Variants in KHDRBS2 observed in about 807,000 individuals in gnomAD.
KHDRBS2 encodes the protein KH domain-containing, RNA-binding, signal transduction-associated protein 2.
A neutral mutation model predicts 44.3 loss-of-function variants in KHDRBS2; 26 were observed. That is an observed-to-expected ratio of 0.59 (90% CI 0.43 to 0.81). KHDRBS2 has a LOEUF of 0.81. Among genes scored for constraint, KHDRBS2 ranks in the 40% least tolerant of loss-of-function variants. The pLI is 0.00. For missense variants in KHDRBS2, 476 were observed against 433.1 expected, an observed-to-expected ratio of 1.10 and a Z score of -0.88; for synonymous variants, 194 against 151.1, an observed-to-expected ratio of 1.28 and a Z score of -2.08.
intron 2 of KHDRBS2, among the ~76,000 whole-genome samples, chr6:62,072,872 G>A (rs142158354): frequency 3.9e-5 from 6 of 152,060 alleles, no homozygotes; most frequent in East Asian, 1.9e-4. Context: ...AGTTAGGGAC[G>A]ATTCCCTCTT....
At chr6:61,897,485 A>C (rs188821361) in intron 5 of KHDRBS2, among the ~76,000 whole-genome samples, 2 of 152,314 alleles carry the variant, frequency 1.3e-5, no homozygotes, top group Admixed American at 1.3e-4. Flanking sequence ...ACCTACTCTT[A>C]GTTAATGATA....
the KHDRBS2 span, among the ~76,000 whole-genome samples, chr6:61,616,363 G>T: frequency 6.6e-6 from 1 of 151,868 alleles, no homozygotes; most frequent in Non-Finnish European, 1.5e-5. Flanking sequence ...GGAGTTGAGG[G>T]TAAAATAATT....
intron 4 of KHDRBS2, among the ~76,000 whole-genome samples, chr6:61,945,112 A>AATATAT (rs1491476068): frequency 4.3e-4 from 21 of 48,414 alleles, no homozygotes; most frequent in South Asian, 1.8e-3. Context: ...AAAAAAAAAA[A>AATATAT]GTATATATAT....
intron 1 of KHDRBS2, among the ~76,000 whole-genome samples, chr6:62,273,087 G>A (rs1418472349): frequency 1.3e-5 from 2 of 152,032 alleles, no homozygotes; most frequent in African/African-American, 4.8e-5. Context: ...ATGGACTTAG[G>A]GAGTCTAGCT....
intron 1 of KHDRBS2, among the ~76,000 whole-genome samples, chr6:62,280,564 A>G (rs1841658709): frequency 6.6e-6 from 1 of 152,230 alleles, no homozygotes; most frequent in Non-Finnish European, 1.5e-5. Context: ...TGATGAAGAC[A>G]GAAGCCAAAC....
At chr6:61,872,426 C>G (rs546193096) in intron 6 of KHDRBS2, among the ~76,000 whole-genome samples, 5 of 152,010 alleles carry the variant, frequency 3.3e-5, no homozygotes, top group Admixed American at 6.5e-5. Context: ...AGAAATATTT[C>G]TGGATATGAC....
intron 7 of KHDRBS2, among the ~76,000 whole-genome samples, chr6:61,730,094 C>T (rs1774204723): frequency 1.3e-5 from 2 of 152,076 alleles, no homozygotes; most frequent in East Asian, 3.8e-4. Flanking sequence ...AAATAGTTTA[C>T]TAATTAGTGC....
chr6:62,178,711 C>G (rs1821648894), intron 1 of KHDRBS2, among the ~76,000 whole-genome samples: 2 of 151,288 alleles, frequency 1.3e-5, no homozygotes, highest in South Asian at 2.1e-4. Context: ...TAAAAATTAC[C>G]TTTATGTTTT....
the KHDRBS2 span, among the ~76,000 whole-genome samples, chr6:61,610,294 C>G: frequency 6.6e-6 from 1 of 151,974 alleles, no homozygotes; most frequent in Non-Finnish European, 1.5e-5. Context: ...AAAAATCATA[C>G]CTATTTAGCA....
intron 3 of KHDRBS2, among the ~76,000 whole-genome samples, chr6:61,984,684 C>T (rs1401859644): frequency 6.6e-6 from 1 of 152,172 alleles, no homozygotes; most frequent in Non-Finnish European, 1.5e-5. Context: ...TAAACTTTAT[C>T]TCTGGCTATT....
intron 6 of KHDRBS2, among the ~76,000 whole-genome samples, chr6:61,828,991 A>C (rs545604309): frequency 2.6e-5 from 4 of 152,378 alleles, no homozygotes; most frequent in African/African-American, 7.2e-5. Flanking sequence ...AAGTACAAGC[A>C]AAATGATTCT....
chr6:61,652,766 G>T, the KHDRBS2 span, among the ~76,000 whole-genome samples: 2 of 152,032 alleles, frequency 1.3e-5, no homozygotes, highest in African/African-American at 2.4e-5. Context: ...TGACCAAAAT[G>T]CCCATGGATG....
chr6:61,674,930 T>C, the KHDRBS2 span, among the ~76,000 whole-genome samples: 36 of 151,866 alleles, frequency 2.4e-4, no homozygotes, highest in African/African-American at 7.7e-4. Flanking sequence ...ATAGAGTACA[T>C]ATTTTTGGAG....
chr6:61,598,939 T>A, the KHDRBS2 span, among the ~76,000 whole-genome samples: 1 of 151,414 alleles, frequency 6.6e-6, no homozygotes, highest in Non-Finnish European at 1.5e-5. Context: ...TTCTGCTTGT[T>A]TTTGTTTCTT....
chr6:62,060,675 T>A (rs1385835453), intron 2 of KHDRBS2, among the ~76,000 whole-genome samples: 1 of 151,428 alleles, frequency 6.6e-6, no homozygotes, highest in Non-Finnish European at 1.5e-5. Flanking sequence ...AAAAGAGAAA[T>A]ATCTACCACA....
chr6:61,748,895 G>A (rs573184550), intron 6 of KHDRBS2, among the ~76,000 whole-genome samples: 2 of 152,004 alleles, frequency 1.3e-5, no homozygotes, highest in South Asian at 4.1e-4. Flanking sequence ...ACTAGTCAGT[G>A]TGGTTAATGG....
chr6:62,175,515 A>G (rs1271943578), intron 2 of KHDRBS2, among the ~76,000 whole-genome samples: 2 of 151,558 alleles, frequency 1.3e-5, no homozygotes, highest in Non-Finnish European at 3.0e-5. Context: ...TAACAGAAGC[A>G]TGACCTTGAG....
chr6:61,740,709 T>C (rs1490473116), intron 6 of KHDRBS2, among the ~76,000 whole-genome samples: 3 of 151,902 alleles, frequency 2.0e-5, no homozygotes, highest in South Asian at 4.1e-4. Context: ...ACTGTTGATA[T>C]AGTGTAAGGA....
At chr6:61,846,019 G>T (rs1794355609) in intron 6 of KHDRBS2, among the ~76,000 whole-genome samples, 1 of 152,050 alleles carries the variant, frequency 6.6e-6, no homozygotes, top group Non-Finnish European at 1.5e-5. Flanking sequence ...AAAGTGTGTG[G>T]CACCTCTCTC....
Sources: allele counts gnomAD v4.1 joint callset (sites outside exome capture counted in the v4.1 genomes callset), GRCh38; gene constraint gnomAD v4.1.1; transcripts MANE v1.5; gene names NCBI Gene and HGNC (gene_info 2026-07-23, HGNC 2026-07-21).